The following IPMK variants were observed in gnomAD, a reference collection of about 807,000 sequenced individuals.
IPMK encodes the protein inositol polyphosphate multikinase.
In IPMK, 17 loss-of-function variants were observed where a neutral mutation model predicts 45.8. The observed-to-expected ratio is 0.37, with a 90% confidence interval of 0.25 to 0.56. The LOEUF (loss-of-function observed/expected upper bound fraction) is 0.56, where lower values mean the gene tolerates loss of function less well. Ranked by LOEUF, IPMK falls within the 20% of genes least tolerant of loss-of-function variation. The pLI, the probability that IPMK is intolerant of heterozygous loss-of-function variation, is 0.79. For missense variants in IPMK, 399 were observed against 498.0 expected (o/e 0.80, Z 1.89); for synonymous variants, 180 against 184.3 (o/e 0.98, Z 0.19).
In IPMK at chr10:58,250,701, T is replaced by C. The variant is rs1032011125; in HGVS notation, c.191-12887A>G. 3.3e-5 allele frequency among the ~76,000 whole-genome samples: 5 copies of C among 152,148 alleles called. No individual in the cohort carries two copies. The East Asian group carries it at 7.7e-4, about 23-fold the overall frequency. On this transcript the variant is annotated intron_variant, in intron 1 of 5. Coordinates refer to ENST00000373935, the MANE Select transcript of IPMK (RefSeq NM_152230.5). ...TGACTAGGACTTCCACTCCTAGGAG[T>C]AGGACTTCCACTCAAATAGGAGTAG...
intron 2 of IPMK, among the ~76,000 whole-genome samples, chr10:58,234,904 T>G (rs1029457440): frequency 7.2e-5 from 11 of 152,278 alleles, no homozygotes; most frequent in African/African-American, 2.4e-4. Context: ...AGAAAATTTT[T>G]GCAATCTACC....
chr10:58,235,932 CT>C (rs559370490), intron 2 of IPMK, among the ~76,000 whole-genome samples: 390 of 142,670 alleles, frequency 2.7e-3, no homozygotes, highest in South Asian at 8.3e-3. Flanking sequence ...TCTTAAAGAA[CT>C]TTTTTTTTTT....
intron 4 of IPMK, among the ~76,000 whole-genome samples, chr10:58,200,671 A>G (rs1441792247): frequency 6.6e-6 from 1 of 152,250 alleles, no homozygotes; most frequent in East Asian, 1.9e-4. Context: ...TCAGGAAAAA[A>G]GTAACTTGTA....
At position 58,267,730 on chromosome 10, in the gene IPMK, G is replaced by C. The variant is rs1839175342; in HGVS notation, c.-119C>G. On this transcript the variant is annotated 5_prime_UTR_variant, in exon 1 of 6. Transcript: ENST00000373935. ...GGCGCGAGGAGGCCCGGGGGTTCCC[G>C]CGGCTGGTGCCCTCTGAAGCGCGGG... The C allele has an allele frequency of 3.1e-6, 2 of 648,106 alleles. No homozygotes were observed. Among genetic ancestry groups the C allele is most frequent in the South Asian group, 1.8e-5 (1 of 54,180 alleles). The allele number at this position is 648,106 out of a possible 1,614,324, so 40.1% of individuals were successfully genotyped here. A position where few individuals can be genotyped will look rare whatever the true frequency, so the allele number is the denominator to read the frequency against.
intron 1 of IPMK, among the ~76,000 whole-genome samples, chr10:58,244,574 G>T (rs549130305): frequency 6.6e-6 from 1 of 152,032 alleles, no homozygotes; most frequent in Admixed American, 6.6e-5. Flanking sequence ...CCATGATGAC[G>T]ATGGTGGTTT....
intron 1 of IPMK, among the ~76,000 whole-genome samples, chr10:58,241,919 C>T (rs912425520): frequency 1.3e-5 from 2 of 151,762 alleles, no homozygotes; most frequent in Non-Finnish European, 2.9e-5. Flanking sequence ...AACAACAATA[C>T]TTACATTTAT....
In IPMK at chr10:58,195,936, A is replaced by G. The variant is rs1011154885; in HGVS notation, c.*140T>C. On this transcript the variant is annotated 3_prime_UTR_variant, in exon 6 of 6. Transcript: ENST00000373935. ...TCCTGAGTAAGATTATAAAAAAGTT[A>G]ACCATTCTTCCAAAAGTATAAAGAC... 7 of 776,348 alleles carry G rather than the reference A, an allele frequency of 9.0e-6. No homozygotes were observed. The highest frequency in any genetic ancestry group is 7.1e-5 in the African/African-American group (4 of 56,554). 48.1% of individuals were successfully genotyped at this position (776,348 alleles called of 1,614,324 possible).
At position 58,267,633 on chromosome 10, in the gene IPMK, C is replaced by G; in HGVS notation, c.-22G>C. Reference sequence around the variant, plus strand: ...CCATAACGGAGAGCAGAAGCGGTAACGGCAGCGAGAGTAGGAAAAAAAATA... The same window carrying G: ...CCATAACGGAGAGCAGAAGCGGTAAGGGCAGCGAGAGTAGGAAAAAAAATA... On this transcript the variant is annotated 5_prime_UTR_variant, in exon 1 of 6. Transcript: ENST00000373935. 2.6e-6 allele frequency: 4 copies of G among 1,548,222 alleles called. No individual in the cohort carries two copies. Among genetic ancestry groups the G allele is most frequent in the Non-Finnish European group, 3.5e-6 (4 of 1,139,030 alleles).
intron 1 of IPMK, among the ~76,000 whole-genome samples, chr10:58,249,560 A>AT (rs1838853131): frequency 6.6e-6 from 1 of 151,980 alleles, no homozygotes; most frequent in African/African-American, 2.4e-5. Context: ...TAATTGGATT[A>AT]TTTTTGCTGT....
rs1164952279 is a variant in IPMK at position 58,196,401 on chromosome 10, GAAGACTC to G, written c.919_925del (p.Glu307GlnfsTer27). 1 of 1,613,898 alleles carries G rather than the reference GAAGACTC, an allele frequency of 6.2e-7. No homozygotes were observed. The highest frequency in any genetic ancestry group is 8.5e-7 in the Non-Finnish European group (1 of 1,179,984). The stretch of plus-strand genomic sequence containing the variant: ...CATCTTGGACAAGCTTTTGCCCACT[GAAGACTC>G]TATTTTTCCATTAGCTGTGGAACTT... On this transcript the variant is annotated frameshift_variant, in exon 6 of 6. Transcript: ENST00000373935. LOFTEE classifies it high-confidence loss of function.
At position 58,230,162 on chromosome 10, in the gene IPMK, G is replaced by C. The variant is rs565679870; in HGVS notation, c.277-3023C>G. Among the ~76,000 whole-genome samples the C allele has an allele frequency of 3.3e-5, 5 of 152,324 alleles. No homozygotes were observed. In the East Asian group the frequency reaches 9.7e-4, roughly 29 times the overall value. On this transcript the variant is annotated intron_variant, in intron 2 of 5. Coordinates refer to ENST00000373935, the MANE Select transcript of IPMK (RefSeq NM_152230.5). ...ACAAAGAAGCTGGGAAGCTCGAACT[G>C]GGTGGAGCCCACTGCAGCTCAACAA...
At chr10:58,264,316 T>C (rs569491480) in intron 1 of IPMK, among the ~76,000 whole-genome samples, 1 of 152,344 alleles carries the variant, frequency 6.6e-6, no homozygotes, top group East Asian at 1.9e-4. Context: ...GGCTTGAAAT[T>C]ATTTTAGGTT....
At position 58,216,193 on chromosome 10, in the gene IPMK, G is replaced by T; in HGVS notation, c.498C>A (p.Ser166Arg). 1 of 1,611,510 alleles carries T rather than the reference G, an allele frequency of 6.2e-7. No homozygotes were observed. The highest frequency in any genetic ancestry group is 8.5e-7 in the Non-Finnish European group (1 of 1,179,000). The change falls in exon 4 of 6, where the codon AGC becomes AGA. Residue 166 changes from serine (S) to arginine (R), a missense_variant. This residue lies in a region of IPMK where 288 missense variants were observed against 398.0 expected (regional missense o/e 0.72). Coordinates refer to ENST00000373935, the MANE Select transcript of IPMK (RefSeq NM_152230.5). Reference protein sequence around the residue: ...ASSEKIQQQVSKYPLMEEIGF... With the variant: ...ASSEKIQQQVRKYPLMEEIGF... Reference sequence around the variant, plus strand: ...CAATCTCTTCCATTAATGGGTACTTGCTGACCTGTTGCTGAATCTTCTCAG... The same window carrying T: ...CAATCTCTTCCATTAATGGGTACTTTCTGACCTGTTGCTGAATCTTCTCAG...
chr10:58,204,122 G>A (rs1331779244), intron 4 of IPMK, among the ~76,000 whole-genome samples: 1 of 152,154 alleles, frequency 6.6e-6, no homozygotes, highest in East Asian at 1.9e-4. Flanking sequence ...AGTGCTTTGG[G>A]AGGCTGAGGC....
intron 4 of IPMK, among the ~76,000 whole-genome samples, chr10:58,202,939 T>C (rs1308311393): frequency 6.6e-6 from 1 of 152,204 alleles, no homozygotes; most frequent in Non-Finnish European, 1.5e-5. Context: ...ATTTCAACTT[T>C]TAAGTTCTAT....
At chr10:58,234,773 A>G (rs1286790013) in intron 2 of IPMK, among the ~76,000 whole-genome samples, 1 of 152,250 alleles carries the variant, frequency 6.6e-6, no homozygotes, top group Non-Finnish European at 1.5e-5. Flanking sequence ...ATTCATGACT[A>G]AAACACCAAA....
chr10:58,214,956 GC>G (rs1838222188), intron 4 of IPMK, among the ~76,000 whole-genome samples: 1 of 152,098 alleles, frequency 6.6e-6, no homozygotes, highest in East Asian at 1.9e-4. Flanking sequence ...CTGTTTTCTC[GC>G]CCCATAAATC....
chr10:58,214,955 C>T (rs142584513), intron 4 of IPMK, among the ~76,000 whole-genome samples: 6 of 152,236 alleles, frequency 3.9e-5, no homozygotes, highest in East Asian at 1.9e-4. Context: ...TCTGTTTTCT[C>T]GCCCCATAAA....
In IPMK at chr10:58,211,919, A is replaced by AAAATAAAAAAAT. The variant is rs1554823049; in HGVS notation, c.546+4225_546+4226insATTTTTTTATTT. On this transcript the variant is annotated intron_variant, in intron 4 of 5. Coordinates refer to ENST00000373935, the MANE Select transcript of IPMK (RefSeq NM_152230.5). ...ATCTCACCAAAAAAAAAAAAAAAAAAAAAAAATTTGTTTTCATTGTTGTGG... is the reference window on the plus strand; with the variant it reads ...ATCTCACCAAAAAAAAAAAAAAAAAAAAATAAAAAAATAAAAAATTTGTTTTCATTGTTGTGG... Among the ~76,000 whole-genome samples, 46 of 148,188 alleles carry AAAATAAAAAAAT rather than the reference A, an allele frequency of 3.1e-4. 1 individual carries two copies. The highest frequency in any genetic ancestry group is 1.2e-3 in the African/African-American group (46 of 38,196).
Sources: gnomAD v4.1 joint callset for allele counts (sites outside exome capture counted in the v4.1 genomes callset) on GRCh38, gnomAD v4.1.1 for gene constraint, gnomAD v4.1.1 regional missense constraint, MANE v1.5 for transcripts, NCBI Gene and HGNC (gene_info 2026-07-23, HGNC 2026-07-21) for gene names.